Variants in ADGRE5 observed in about 807,000 individuals in gnomAD.
The protein encoded by ADGRE5 is adhesion G protein-coupled receptor E5, also known as CD97 molecule.
Under a neutral mutation model 100.3 loss-of-function variants are expected in ADGRE5, and 72 were observed. The observed-to-expected ratio is 0.72, with a 90% CI of 0.59 to 0.87. ADGRE5 has a LOEUF of 0.87. ADGRE5 is among the 40% of genes least tolerant of loss of function. The probability of loss-of-function intolerance (pLI) is 0.00; values close to 1 mark genes in which losing one functional copy is unlikely to be tolerated. For synonymous variants in ADGRE5, 439 were observed against 447.8 expected, an observed-to-expected ratio of 0.98 and a Z score of 0.25; for missense variants, 959 against 1,094.7, an observed-to-expected ratio of 0.88 and a Z score of 1.75.
Position 14,402,854 on chromosome 19 carries a change from C to T in ADGRE5, c.1441C>T (p.Pro481Ser), listed in dbSNP as rs1213030393. Residue 481 changes from proline (P) to serine (S), a missense_variant, in exon 12 of 20, where the codon CCT becomes TCT. This residue lies in a region of ADGRE5 where 246 missense variants were observed against 242.2 expected (regional missense o/e 1.02). Transcript: ENST00000242786. Reference sequence around the variant, plus strand: ...CGATGGGGAGGCGGGAAGAGACCCTCCTGCCAAGGTCTCTGCTCACTCTGC... The same window carrying T: ...CGATGGGGAGGCGGGAAGAGACCCTTCTGCCAAGGTCTCTGCTCACTCTGC... ...SSDGEAGRDP[P>S]AKDVMPGPRQ... The T allele has an allele frequency of 2.5e-6, 4 of 1,613,760 alleles. No individual in the cohort carries two copies. Among genetic ancestry groups the T allele is most frequent in the Non-Finnish European group, 2.5e-6 (3 of 1,179,996 alleles).
At chr19:14,391,120 G>A (rs1432459155) in intron 4 of ADGRE5, 41 bp downstream of exon 4, 7 of 1,611,718 alleles carry the variant, frequency 4.3e-6, no homozygotes, top group Non-Finnish European at 5.9e-6. Context: ...CATCCATGAG[G>A]TTTGGGGTCA....
chr19:14,392,976 T>G (rs1034569789), intron 4 of ADGRE5, among the ~76,000 whole-genome samples: 1 of 148,060 alleles, frequency 6.8e-6, no homozygotes, highest in African/African-American at 2.5e-5. Flanking sequence ...CCGAGGCGGG[T>G]GGATCACGAG....
chr19:14,401,324 G>T lies in ADGRE5; in HGVS notation c.898-62G>T. ...GTCCCCTGGTAGGGGGTGACATCCA[G>T]GTCCTTCAGGCAACCCCTGTGGTCT... On this transcript the variant is annotated intron_variant, in intron 9 of 19. Transcript: ENST00000242786. This position sits in a 1 kb window ranked among gnomAD's most constrained non-coding sequence, Gnocchi z 4.1. 6.7e-7 allele frequency: 1 copy of T among 1,485,498 alleles called. No homozygotes were observed. Among genetic ancestry groups the T allele is most frequent in the Non-Finnish European group, 9.2e-7 (1 of 1,087,546 alleles). 92.0% of individuals were successfully genotyped at this position (1,485,498 alleles called of 1,614,324 possible). A position where few individuals can be genotyped will look rare whatever the true frequency, so the allele number is the denominator to read the frequency against.
Position 14,396,372 on chromosome 19 carries a change from T to A in ADGRE5, c.377T>A (p.Leu126His). ...DVDECQQNPRLCKSYGTCVNT... is the reference protein window; with the variant it reads ...DVDECQQNPRHCKSYGTCVNT... ...GACGAATGTCAGCAGAACCCAAGGC[T>A]CTGTAAAAGCTACGGCACCTGCGTC... Residue 126 changes from leucine to histidine, a missense_variant, in exon 5 of 20, where the codon CTC becomes CAC. Transcript: ENST00000242786. 6.2e-7 allele frequency: 1 copy of A among 1,614,290 alleles called. No homozygotes were observed. The highest frequency in any genetic ancestry group is 8.5e-7 in the Non-Finnish European group (1 of 1,180,052).
chr19:14,407,183 T>G lies in ADGRE5; in HGVS notation c.2330T>G (p.Leu777Arg), dbSNP rs1273717283. ...TATGTGTTTACCATCCTCAACTGCC[T>G]GCAGGGCGCCTTCCTCTACCTGCTG... ...LTYVFTILNC[L>R]QGAFLYLLHC... The change falls in exon 18 of 20, where the codon CTG becomes CGG. Residue 777 changes from leucine to arginine, a missense_variant. Transcript: ENST00000242786. The G allele has an allele frequency of 6.2e-7, 1 of 1,613,944 alleles. No individual in the cohort carries two copies. Among genetic ancestry groups the G allele is most frequent in the Non-Finnish European group, 8.5e-7 (1 of 1,180,008 alleles).
chr19:14,395,313 A>C (rs55640418), intron 4 of ADGRE5, among the ~76,000 whole-genome samples: 4 of 110,622 alleles, frequency 3.6e-5, no homozygotes, highest in Non-Finnish European at 6.1e-5. Context: ...AAAAAAAAAA[A>C]AAAAAACAAA....
In ADGRE5 at chr19:14,406,079, G is replaced by A. The variant is rs1446154719; in HGVS notation, c.1821+140G>A. 2 of 778,490 alleles carry A rather than the reference G, an allele frequency of 2.6e-6. No individual in the cohort carries two copies. Among genetic ancestry groups the A allele is most frequent in the East Asian group, 5.4e-5 (2 of 36,702 alleles). The allele number at this position is 778,490 out of a possible 1,614,324, so 48.2% of individuals were successfully genotyped here. ...CCGCCCCTGTCCGGGATCTGGCCCCGCCCACCGGGGGGTCGGGTTGTCTCT... is the reference window on the plus strand; with the variant it reads ...CCGCCCCTGTCCGGGATCTGGCCCCACCCACCGGGGGGTCGGGTTGTCTCT... On this transcript the variant is annotated intron_variant, in intron 14 of 19. Coordinates refer to ENST00000242786, the MANE Select transcript of ADGRE5 (RefSeq NM_078481.4). The surrounding 1 kb of genome is among the most constrained non-coding windows in gnomAD (Gnocchi z 6.0).
intron 2 of ADGRE5, 87 bp from the exon 3 acceptor site, chr19:14,388,613 ACT>A (rs1975447014): frequency 6.2e-6 from 10 of 1,608,754 alleles, no homozygotes; most frequent in Non-Finnish European, 8.5e-6. Context: ...CGCACGAGAA[ACT>A]CAGCGCCCTG....
rs756579925 is a variant in ADGRE5 at position 14,385,769 on chromosome 19, AT to A, written c.23-2664del. The stretch of plus-strand genomic sequence containing the variant: ...AGAGCCTGGGTGATCCAACACCGTC[AT>A]TTTTTTTTTTTTTTTTCTGAGACGG... On this transcript the variant is annotated intron_variant, in intron 1 of 19. Coordinates refer to ENST00000242786, the MANE Select transcript of ADGRE5 (RefSeq NM_078481.4). Among the ~76,000 whole-genome samples the A allele has an allele frequency of 9.5e-3, 1,253 of 131,818 alleles. 12 individuals carry two copies. Among genetic ancestry groups the A allele is most frequent in the African/African-American group, 0.027 (964 of 35,784 alleles). The allele number at this position is 131,818 out of a possible 152,430, so 86.5% of individuals were successfully genotyped here. A position where few individuals can be genotyped will look rare whatever the true frequency, so the allele number is the denominator to read the frequency against.
At position 14,401,780 on chromosome 19, in the gene ADGRE5, G is replaced by A. The variant is rs200898011; in HGVS notation, c.1183+20G>A. The A allele has an allele frequency of 2.7e-5, 41 of 1,494,328 alleles. No homozygotes were observed. Among genetic ancestry groups the A allele is most frequent in the Middle Eastern group, 1.8e-4 (1 of 5,566 alleles). 92.6% of individuals were successfully genotyped at this position (1,494,328 alleles called of 1,614,324 possible). On this transcript the variant is annotated intron_variant, in intron 11 of 19. Coordinates refer to ENST00000242786, the MANE Select transcript of ADGRE5 (RefSeq NM_078481.4). The surrounding 1 kb of genome is among the most constrained non-coding windows in gnomAD (Gnocchi z 4.1). The stretch of plus-strand genomic sequence containing the variant: ...ATCCAGGTAGCAGCGGTGGTCTGGA[G>A]GGGGAGCCCGTGGGAGAGAGATGGA...
At chr19:14,388,295 C>T (rs1042332868) in intron 1 of ADGRE5, among the ~76,000 whole-genome samples, 155 bp from the exon 2 acceptor site, 59 of 152,162 alleles carry the variant, frequency 3.9e-4, no homozygotes, top group African/African-American at 1.3e-3. Flanking sequence ...TGGCTTTGAG[C>T]ATCTGAGTGG....
intron 8 of ADGRE5, 60 bp downstream of exon 8, chr19:14,397,995 T>C: frequency 6.5e-7 from 1 of 1,527,492 alleles, no homozygotes; most frequent in Non-Finnish European, 9.0e-7. Flanking sequence ...ACTGCATCCG[T>C]CTCCTTGTTC....
intron 3 of ADGRE5, among the ~76,000 whole-genome samples, chr19:14,390,589 G>T (rs1022702419): frequency 3.9e-5 from 6 of 152,118 alleles, no homozygotes; most frequent in Non-Finnish European, 7.3e-5. Context: ...CTCCCAAAAT[G>T]CTGGGATTAC....
At chr19:14,382,186 C>T (rs543169449) in intron 1 of ADGRE5, among the ~76,000 whole-genome samples, 14 of 152,304 alleles carry the variant, frequency 9.2e-5, no homozygotes, top group South Asian at 4.1e-4. Flanking sequence ...GCCTAAGCAA[C>T]GGGGCAACAA....
chr19:14,389,137 G>A (rs539041517), intron 3 of ADGRE5, among the ~76,000 whole-genome samples: 12 of 127,026 alleles, frequency 9.4e-5, no homozygotes, highest in African/African-American at 3.4e-4. Context: ...GAATGAGATC[G>A]TGTCTCAGGG....
Position 14,408,336 on chromosome 19 carries a change from C to G in ADGRE5, c.*215C>G. On this transcript the variant is annotated 3_prime_UTR_variant, in exon 20 of 20. Transcript: ENST00000242786. ...GAGCCACTGGTCCTGCTGCTGGCTG[C>G]CTCTCTGCTCCACCTTGTGACCCAG... 1 of 635,220 alleles carries G rather than the reference C, an allele frequency of 1.6e-6. No homozygotes were observed. Among genetic ancestry groups the G allele is most frequent in the South Asian group, 1.8e-5 (1 of 56,018 alleles). 39.3% of individuals were successfully genotyped at this position (635,220 alleles called of 1,614,324 possible). A position where few individuals can be genotyped will look rare whatever the true frequency, so the allele number is the denominator to read the frequency against.
chr19:14,382,025 C>G (rs906405256), intron 1 of ADGRE5, among the ~76,000 whole-genome samples: 1 of 152,206 alleles, frequency 6.6e-6, no homozygotes, highest in Admixed American at 6.5e-5. Flanking sequence ...GACCCCAGTT[C>G]TTGCTCCCCG....
chr19:14,386,678 A>C (rs1975366170), intron 1 of ADGRE5, among the ~76,000 whole-genome samples: 2 of 135,014 alleles, frequency 1.5e-5, no homozygotes, highest in Non-Finnish European at 3.1e-5. Context: ...TGGGCGACAG[A>C]GCAAGACTCC....
rs1002267002 is a variant in ADGRE5, at chr19:14,404,561, A to G, written c.1628A>G (p.Glu543Gly). ...FAILMAHYDV[E>G]DWKLTLITRV... ...ATCCTTATGGCTCATTATGACGTGG[A>G]GGTAAGTAGCTGGAGGCATCCTCAA... is the stretch of plus-strand genomic sequence containing the variant. Residue 543 changes from glutamate (E) to glycine (G), a missense_variant and splice_region_variant, in exon 13 of 20, where the codon GAG becomes GGG. Around this residue, in one of 6 missense-constraint regions of ADGRE5, gnomAD observed 428 missense variants for 386.2 expected, o/e 1.11. Coordinates refer to ENST00000242786, the MANE Select transcript of ADGRE5 (RefSeq NM_078481.4). 1 of 1,612,264 alleles carries G rather than the reference A, an allele frequency of 6.2e-7. No homozygotes were observed. The highest frequency in any genetic ancestry group is 1.1e-5 in the South Asian group (1 of 90,914).
Sources: gnomAD v4.1 joint callset for allele counts (sites outside exome capture counted in the v4.1 genomes callset) on GRCh38, gnomAD v4.1.1 for gene constraint, gnomAD v4.1.1 regional missense constraint, Gnocchi (gnomAD v3.1) non-coding constraint, MANE v1.5 for transcripts, NCBI Gene and HGNC (gene_info 2026-07-23, HGNC 2026-07-21) for gene names.